Variants in PRKN observed in about 807,000 individuals in gnomAD.
PRKN encodes E3 ubiquitin-protein ligase parkin.
In PRKN, 56 loss-of-function variants were observed where a neutral mutation model predicts 59.5. That is an observed-to-expected ratio of 0.94 (90% confidence interval 0.76 to 1.18). PRKN has a LOEUF of 1.18. PRKN is among the 50% of genes most tolerant of loss of function. PRKN has a pLI of 0.00. For synonymous variants in PRKN, 250 were observed against 222.1 expected (o/e 1.13, Z -1.12); for missense variants, 657 against 596.4 (o/e 1.10, Z -1.06).
Position 161,388,445 on chromosome 6 carries a change from C to A in PRKN, c.1084-1568G>T, listed in dbSNP as rs1254551753. Among the ~76,000 whole-genome samples the A allele has an allele frequency of 6.6e-6, 1 of 152,218 alleles. No individual in the cohort carries two copies. Among genetic ancestry groups the A allele is most frequent in the Non-Finnish European group, 1.5e-5 (1 of 68,046 alleles). On this transcript the variant is annotated intron_variant, in intron 9 of 11. Coordinates refer to ENST00000366898, the MANE Select transcript of PRKN (RefSeq NM_004562.3). This position sits in a 1 kb window ranked among gnomAD's most constrained non-coding sequence, Gnocchi z 4.3. Reference sequence around the variant, plus strand: ...ACTTTCTTTAATAAGTTGTAGGCAACATCTCCCACAGCAGAAACTGTATTC... The same window carrying A: ...ACTTTCTTTAATAAGTTGTAGGCAAAATCTCCCACAGCAGAAACTGTATTC...
At position 161,833,759 on chromosome 6, in the gene PRKN, C is replaced by T. The variant is rs141751064; in HGVS notation, c.735-47851G>A. On this transcript the variant is annotated intron_variant, in intron 6 of 11. Coordinates refer to ENST00000366898, the MANE Select transcript of PRKN (RefSeq NM_004562.3). ...TTGTTGTGTCCGAGGCTAGCACCCA[C>T]GACAGTGGACACAGAGGTGGAGAAA... Among the ~76,000 whole-genome samples the T allele has an allele frequency of 4.6e-5, 7 of 152,216 alleles. No individual in the cohort carries two copies. The East Asian group carries it at 1.2e-3, about 25-fold the overall frequency.
intron 6 of PRKN, among the ~76,000 whole-genome samples, chr6:161,855,458 T>C (rs1380587078): frequency 2.0e-5 from 3 of 152,220 alleles, no homozygotes; most frequent in African/African-American, 4.8e-5. Flanking sequence ...AAATCATTGA[T>C]TCATTTACTT....
chr6:162,393,438 G>A (rs1787316518), intron 2 of PRKN, among the ~76,000 whole-genome samples: 1 of 151,980 alleles, frequency 6.6e-6, no homozygotes, highest in African/African-American at 2.4e-5. Flanking sequence ...GGGATTACAG[G>A]CCTGAGCCAC....
Position 161,588,170 on chromosome 6 carries a change from G to A in PRKN, c.872-18754C>T, listed in dbSNP as rs1407276571. On this transcript the variant is annotated intron_variant, in intron 7 of 11. Transcript: ENST00000366898. This position sits in a 1 kb window ranked among gnomAD's most constrained non-coding sequence, Gnocchi z 5.0. ...GGAGGCCGAGTCGGGTGGATCACAAGGTCAGGAGTTCGAGACCAGCCTGGC... is the reference window on the plus strand; with the variant it reads ...GGAGGCCGAGTCGGGTGGATCACAAAGTCAGGAGTTCGAGACCAGCCTGGC... Among the ~76,000 whole-genome samples, 4 of 152,036 alleles carry A rather than the reference G, an allele frequency of 2.6e-5. No individual in the cohort carries two copies. Among genetic ancestry groups the A allele is most frequent in the Admixed American group, 1.3e-4 (2 of 15,262 alleles).
chr6:162,048,109 C>G (rs987149939), intron 5 of PRKN, among the ~76,000 whole-genome samples: 6 of 151,994 alleles, frequency 3.9e-5, no homozygotes, highest in African/African-American at 1.5e-4. Context: ...AAGAGTTGAA[C>G]TCCAGTCAAA....
At position 161,576,416 on chromosome 6, in the gene PRKN, G is replaced by A. The variant is rs1031382061; in HGVS notation, c.872-7000C>T. On this transcript the variant is annotated intron_variant, in intron 7 of 11. Coordinates refer to ENST00000366898, the MANE Select transcript of PRKN (RefSeq NM_004562.3). The surrounding 1 kb of genome is among the most constrained non-coding windows in gnomAD (Gnocchi z 4.6). ...TACACACGGGAGAGTAACTTACATGGTTACACAAGGAGATATGGAATAGAA... is the reference window on the plus strand; with the variant it reads ...TACACACGGGAGAGTAACTTACATGATTACACAAGGAGATATGGAATAGAA... 6.6e-6 allele frequency among the ~76,000 whole-genome samples: 1 copy of A among 152,112 alleles called. No homozygotes were observed. Among genetic ancestry groups the A allele is most frequent in the Admixed American group, 6.5e-5 (1 of 15,268 alleles).
chr6:162,544,013 T>C (rs758735656), intron 1 of PRKN, among the ~76,000 whole-genome samples: 2 of 152,204 alleles, frequency 1.3e-5, no homozygotes, highest in Non-Finnish European at 2.9e-5. Flanking sequence ...ATTGCAATCA[T>C]TTCATTTTTG....
Position 161,518,226 on chromosome 6 carries a change from G to C in PRKN, c.1083+30628C>G, listed in dbSNP as rs187822407. Among the ~76,000 whole-genome samples, 895 of 152,360 alleles carry C rather than the reference G, an allele frequency of 5.9e-3. 5 individuals are homozygous for C. The highest frequency in any genetic ancestry group is 9.5e-3 in the Non-Finnish European group (648 of 68,030). ...GGTGGCAACATAGGTGCATGAGAGGGGGACTGCCCCCACCCTGCATATCTG... is the reference window on the plus strand; with the variant it reads ...GGTGGCAACATAGGTGCATGAGAGGCGGACTGCCCCCACCCTGCATATCTG... On this transcript the variant is annotated intron_variant, in intron 9 of 11. Coordinates refer to ENST00000366898, the MANE Select transcript of PRKN (RefSeq NM_004562.3). The surrounding 1 kb of genome is among the most constrained non-coding windows in gnomAD (Gnocchi z 5.0).
intron 6 of PRKN, among the ~76,000 whole-genome samples, chr6:161,834,583 C>T (rs369600848): frequency 6.6e-6 from 1 of 152,222 alleles, no homozygotes; most frequent in Admixed American, 6.5e-5. Flanking sequence ...CTGGGGAACA[C>T]GCTCATTAGG....
At chr6:162,297,131 G>A (rs1781712259) in intron 2 of PRKN, among the ~76,000 whole-genome samples, 1 of 151,112 alleles carries the variant, frequency 6.6e-6, no homozygotes, top group South Asian at 2.1e-4. Context: ...AGTACAACAG[G>A]AACTGCTTAG....
intron 2 of PRKN, among the ~76,000 whole-genome samples, chr6:162,363,099 G>C (rs1785232563): frequency 7.4e-6 from 1 of 135,598 alleles, no homozygotes; most frequent in Non-Finnish European, 1.5e-5. Context: ...CTGCACTCCA[G>C]CCTGGGTGAC....
intron 1 of PRKN, among the ~76,000 whole-genome samples, chr6:162,465,304 T>C (rs1791365721): frequency 6.6e-6 from 1 of 152,244 alleles, no homozygotes; most frequent in African/African-American, 2.4e-5. Flanking sequence ...TTTATAATAT[T>C]ACCCTTTATT....
At chr6:162,012,260 C>A (rs1425923672) in intron 5 of PRKN, among the ~76,000 whole-genome samples, 1 of 152,080 alleles carries the variant, frequency 6.6e-6, no homozygotes, top group Non-Finnish European at 1.5e-5. Context: ...CTTACATATT[C>A]TTCATCCAGC....
At chr6:161,905,359 G>A (rs139346726) in intron 6 of PRKN, among the ~76,000 whole-genome samples, 6 of 152,274 alleles carry the variant, frequency 3.9e-5, no homozygotes, top group South Asian at 2.1e-4. Flanking sequence ...CAGATCAAAC[G>A]AATAATTATT....
chr6:162,254,771 G>T (rs1779576626), intron 3 of PRKN, among the ~76,000 whole-genome samples: 1 of 151,930 alleles, frequency 6.6e-6, no homozygotes, highest in African/African-American at 2.4e-5. Flanking sequence ...TATGAAGTGG[G>T]GTACACACTC....
intron 5 of PRKN, among the ~76,000 whole-genome samples, chr6:161,984,906 A>G (rs1562438341): frequency 6.6e-6 from 1 of 152,156 alleles, no homozygotes; most frequent in African/African-American, 2.4e-5. Context: ...CAGATGAAGC[A>G]GCCCTCCCTG....
Position 161,548,970 on chromosome 6 carries a change from ACTC to A in PRKN, c.964_966del (p.Glu322del). The A allele has an allele frequency of 6.2e-7, 1 of 1,614,092 alleles. No individual in the cohort carries two copies. Among genetic ancestry groups the A allele is most frequent in the Non-Finnish European group, 8.5e-7 (1 of 1,180,012 alleles). On this transcript the variant is annotated inframe_deletion, in exon 9 of 12. Coordinates refer to ENST00000366898, the MANE Select transcript of PRKN (RefSeq NM_004562.3). This position sits in a 1 kb window ranked among gnomAD's most constrained non-coding sequence, Gnocchi z 4.2. ...AACACGCCCCCCATCTGCAGGACAC[ACTC>A]CTCTGCACCATACTGCTGGTACCGG...
At chr6:161,973,271 G>T in intron 6 of PRKN, 31 bp downstream of exon 6, 1 of 1,358,902 alleles carries the variant, frequency 7.4e-7, no homozygotes, top group Non-Finnish European at 1.1e-6. Context: ...CACGTCCGTG[G>T]AGGGAAGTGA....
intron 6 of PRKN, among the ~76,000 whole-genome samples, chr6:161,823,384 A>G (rs1792115542): frequency 6.6e-6 from 1 of 152,162 alleles, no homozygotes; most frequent in African/African-American, 2.4e-5. Context: ...ACTTTCACCC[A>G]AAGGCAATGC....
Sources: gnomAD v4.1 joint callset for allele counts (sites outside exome capture counted in the v4.1 genomes callset) on GRCh38, gnomAD v4.1.1 for gene constraint, Gnocchi (gnomAD v3.1) non-coding constraint, MANE v1.5 for transcripts, NCBI Gene and HGNC (gene_info 2026-07-23, HGNC 2026-07-21) for gene names.